The following DPY19L1 variants were observed in gnomAD, a reference collection of about 807,000 sequenced individuals.
The protein encoded by DPY19L1 is protein C-mannosyl-transferase DPY19L1.
In DPY19L1, 35 loss-of-function variants were observed where a neutral mutation model predicts 96.9. That is an observed-to-expected ratio of 0.36 (90% CI 0.28 to 0.48). The LOEUF is 0.48. DPY19L1 is among the 20% of genes least tolerant of loss of function. DPY19L1 has a pLI of 0.99. For missense variants in DPY19L1, 521 were observed against 777.9 expected (o/e 0.67, Z 3.93); for synonymous variants, 205 against 252.6 (o/e 0.81, Z 1.79).
At chr7:34,958,095 T>C in intron 10 of DPY19L1, 25 bp from the exon 11 acceptor site, 1 of 1,508,698 alleles carries the variant, frequency 6.6e-7, no homozygotes, top group South Asian at 1.2e-5. Flanking sequence ...GAAAAAAATA[T>C]AAGTAATGCA....
At chr7:34,932,000 ACT>A (rs1301956443) in intron 21 of DPY19L1, among the ~76,000 whole-genome samples, 1 of 152,030 alleles carries the variant, frequency 6.6e-6, no homozygotes, top group Non-Finnish European at 1.5e-5. Context: ...CCTCAGTTAA[ACT>A]CTGCCTCAGC....
intron 16 of DPY19L1, among the ~76,000 whole-genome samples, chr7:34,944,415 A>G (rs1180375722): frequency 6.6e-6 from 1 of 151,422 alleles, no homozygotes. Flanking sequence ...ATATAGATAC[A>G]TACACATTCG....
intron 8 of DPY19L1, among the ~76,000 whole-genome samples, chr7:34,971,108 C>T (rs1233518847): frequency 6.6e-6 from 1 of 152,054 alleles, no homozygotes; most frequent in Admixed American, 6.6e-5. Flanking sequence ...GCCATCGCCA[C>T]CCACCACCTC....
At chr7:35,017,260 G>A (rs534334947) in intron 3 of DPY19L1, among the ~76,000 whole-genome samples, 4 of 151,626 alleles carry the variant, frequency 2.6e-5, no homozygotes, top group South Asian at 2.1e-4. Flanking sequence ...TTGGGAGGCC[G>A]AGGCGGGTGG....
At chr7:34,939,456 C>T in intron 19 of DPY19L1, 81 bp from the exon 20 acceptor site, 1 of 1,248,842 alleles carries the variant, frequency 8.0e-7, no homozygotes, top group Non-Finnish European at 1.2e-6. Flanking sequence ...TCAATTATTT[C>T]ACAGGTAACA....
chr7:34,987,752 A>G (rs1785081734), intron 7 of DPY19L1, among the ~76,000 whole-genome samples: 1 of 152,038 alleles, frequency 6.6e-6, no homozygotes, highest in African/African-American at 2.4e-5. Context: ...GAAAAAGTAT[A>G]TACTTAAAAA....
chr7:35,017,007 T>G (rs1325568339), intron 3 of DPY19L1, among the ~76,000 whole-genome samples: 1 of 151,992 alleles, frequency 6.6e-6, no homozygotes, highest in Non-Finnish European at 1.5e-5. Flanking sequence ...TTTTTTGTTT[T>G]TTTTTTTTTA....
At chr7:34,974,239 T>C (rs375237867) in intron 7 of DPY19L1, among the ~76,000 whole-genome samples, 4 of 152,194 alleles carry the variant, frequency 2.6e-5, no homozygotes, top group Non-Finnish European at 5.9e-5. Flanking sequence ...AATAATGTCA[T>C]TTTACTGTAT....
intron 3 of DPY19L1, among the ~76,000 whole-genome samples, chr7:35,016,268 A>T (rs329234): frequency 0.26 from 39,804 of 152,098 alleles, 5,414 homozygotes; most frequent in Non-Finnish European, 0.31. Flanking sequence ...AAGGGCAAAC[A>T]AGGAGAGCTG....
At chr7:35,000,958 G>T (rs1785412399) in intron 6 of DPY19L1, among the ~76,000 whole-genome samples, 1 of 152,196 alleles carries the variant, frequency 6.6e-6, no homozygotes, top group Non-Finnish European at 1.5e-5. Context: ...TATTCTCAGA[G>T]ACAGTAGAGC....
intron 6 of DPY19L1, among the ~76,000 whole-genome samples, chr7:35,008,545 T>C (rs1425945372): frequency 6.6e-6 from 1 of 152,190 alleles, no homozygotes; most frequent in African/African-American, 2.4e-5. Context: ...ATTAAAAAAG[T>C]AGCCAGGCAT....
At chr7:34,950,149 T>C (rs1171031521) in intron 13 of DPY19L1, among the ~76,000 whole-genome samples, 1 of 152,036 alleles carries the variant, frequency 6.6e-6, no homozygotes, top group Non-Finnish European at 1.5e-5. Flanking sequence ...TTCCCTTGGG[T>C]TTTCCCAGCT....
intron 10 of DPY19L1, among the ~76,000 whole-genome samples, chr7:34,965,369 G>A (rs897129966): frequency 6.6e-6 from 1 of 152,084 alleles, no homozygotes; most frequent in Non-Finnish European, 1.5e-5. Flanking sequence ...TGAAAAAATG[G>A]TATTTATAAA....
rs1420627040 is a variant in DPY19L1 at position 34,968,074 on chromosome 7, T to C, written c.1015-1103A>G. Among the ~76,000 whole-genome samples, 6 of 152,146 alleles carry C rather than the reference T, an allele frequency of 3.9e-5. No homozygotes were observed. The East Asian group carries it at 9.7e-4, about 25-fold the overall frequency. On this transcript the variant is annotated intron_variant, in intron 9 of 21. Transcript: ENST00000638088. ...ACCCCAAGGGCTAAGCAACACACAG[T>C]ACATTTACAGGGTAGAATTTTCAAG...
At chr7:34,951,214 T>C (rs1784260171) in intron 13 of DPY19L1, among the ~76,000 whole-genome samples, 1 of 152,064 alleles carries the variant, frequency 6.6e-6, no homozygotes, top group Non-Finnish European at 1.5e-5. Flanking sequence ...AAGTTGACAG[T>C]GTTCATTGCA....
At chr7:35,021,723 C>A (rs1476665967) in intron 1 of DPY19L1, among the ~76,000 whole-genome samples, 1 of 152,142 alleles carries the variant, frequency 6.6e-6, no homozygotes, top group Admixed American at 6.5e-5. Context: ...AGGAATTCTG[C>A]CCTGCACTGC....
chr7:34,950,390 C>T (rs575162497), intron 13 of DPY19L1, among the ~76,000 whole-genome samples: 46 of 152,216 alleles, frequency 3.0e-4, no homozygotes, highest in Non-Finnish European at 6.2e-4. Flanking sequence ...TGATAATCAC[C>T]TCTCATATAA....
At chr7:34,968,706 T>A (rs904025241) in intron 9 of DPY19L1, among the ~76,000 whole-genome samples, 2 of 136,178 alleles carry the variant, frequency 1.5e-5, no homozygotes, top group Non-Finnish European at 3.0e-5. Context: ...GGAGGTGGGG[T>A]TGCAGTGAGC....
intron 6 of DPY19L1, among the ~76,000 whole-genome samples, chr7:34,997,164 T>C (rs1486523425): frequency 6.6e-6 from 1 of 151,994 alleles, no homozygotes; most frequent in East Asian, 1.9e-4. Flanking sequence ...AAGATGCCAA[T>C]ATTGCCAACC....
Sources: allele counts gnomAD v4.1 joint callset (sites outside exome capture counted in the v4.1 genomes callset), GRCh38; gene constraint gnomAD v4.1.1; transcripts MANE v1.5; gene names NCBI Gene and HGNC (gene_info 2026-07-23, HGNC 2026-07-21).